PSD3: variants seen among roughly 807,000 people sequenced by gnomAD.
The protein encoded by PSD3 is PH and SEC7 domain-containing protein 3.
Under a neutral mutation model 105.5 loss-of-function variants are expected in PSD3, and 49 were observed. That is an observed-to-expected ratio of 0.46 (90% CI 0.37 to 0.59). PSD3 has a LOEUF of 0.59. Among genes scored for constraint, PSD3 ranks in the 20% least tolerant of loss-of-function variants. The pLI is 0.00. For missense variants in PSD3, 1,561 were observed against 1,263.8 expected (o/e 1.24, Z -3.57); for synonymous variants, 557 against 457.8 (o/e 1.22, Z -2.77).
chr8:18,808,762 C>T (rs984383724), intron 4 of PSD3: 1 of 1,613,928 alleles, frequency 6.2e-7, no homozygotes, highest in Admixed American at 1.7e-5. Context: ...TACCAGCAAC[C>T]ATACAGACAC....
At chr8:18,931,564 T>G (rs1821749943) in intron 2 of PSD3, among the ~76,000 whole-genome samples, 1 of 152,200 alleles carries the variant, frequency 6.6e-6, no homozygotes, top group Non-Finnish European at 1.5e-5. Context: ...TCCAAGCAAC[T>G]AAGCTCTCAC....
At chr8:18,759,795 T>G (rs1295533078) in intron 9 of PSD3, among the ~76,000 whole-genome samples, 1 of 152,056 alleles carries the variant, frequency 6.6e-6, no homozygotes, top group Non-Finnish European at 1.5e-5. Flanking sequence ...AGGATCTTCT[T>G]GTCATTTATT....
At chr8:18,678,278 A>T (rs919071548) in intron 9 of PSD3, among the ~76,000 whole-genome samples, 16 of 152,104 alleles carry the variant, frequency 1.1e-4, no homozygotes, top group Non-Finnish European at 2.1e-4. Context: ...TAAGTTGTTT[A>T]AAAAAAATTC....
chr8:19,053,038 AT>A (rs1196876053), intron 1 of PSD3, among the ~76,000 whole-genome samples: 1 of 152,154 alleles, frequency 6.6e-6, no homozygotes, highest in Admixed American at 6.5e-5. Flanking sequence ...ACACAGGTAA[AT>A]TTAGGGAAAT....
chr8:18,615,733 A>G (rs999153568), intron 11 of PSD3, among the ~76,000 whole-genome samples: 2 of 152,192 alleles, frequency 1.3e-5, no homozygotes, highest in African/African-American at 4.8e-5. Context: ...AGTCTATCTG[A>G]GAAGGGCAGG....
intron 1 of PSD3, among the ~76,000 whole-genome samples, chr8:19,075,211 G>A (rs1198737463): frequency 6.6e-6 from 1 of 152,106 alleles, no homozygotes; most frequent in Non-Finnish European, 1.5e-5. Context: ...GCCTCCCAAA[G>A]TGCTGGGATT....
intron 1 of PSD3, among the ~76,000 whole-genome samples, chr8:18,988,541 T>C (rs917416443): frequency 1.3e-5 from 2 of 152,206 alleles, no homozygotes; most frequent in Non-Finnish European, 2.9e-5. Flanking sequence ...ATTAGTCTAA[T>C]CATCACTTCT....
chr8:18,985,672 C>T (rs1202026097), intron 1 of PSD3, among the ~76,000 whole-genome samples: 1 of 152,070 alleles, frequency 6.6e-6, no homozygotes, highest in Non-Finnish European at 1.5e-5. Flanking sequence ...CTAAAAATAG[C>T]ATTTTCTTCT....
rs760070927 is a variant in PSD3 at position 18,535,845 on chromosome 8, C to G, written c.3042G>C (p.Leu1014=). 6.2e-7 allele frequency: 1 copy of G among 1,614,000 alleles called. No homozygotes were observed. Among genetic ancestry groups the G allele is most frequent in the African/African-American group, 1.3e-5 (1 of 74,914 alleles). ...CAGTGATTGGAGAAGTATCCGGGTTCAGCGAAGGACTCGAGTGCGACTTCT... is the reference window on the plus strand; with the variant it reads ...CAGTGATTGGAGAAGTATCCGGGTTGAGCGAAGGACTCGAGTGCGACTTCT... ...GLKKSHSSPS[L]NPDTSPITAK... The change falls in exon 16 of 16, where the codon CTG becomes CTC. Residue 1014 remains leucine (L), a synonymous_variant. Transcript: ENST00000327040.
intron 9 of PSD3, among the ~76,000 whole-genome samples, chr8:18,655,939 C>T (rs1320018744): frequency 1.3e-5 from 2 of 152,234 alleles, no homozygotes; most frequent in Non-Finnish European, 2.9e-5. Context: ...TACTGTACTA[C>T]ATTTCATTAT....
At position 18,751,032 on chromosome 8, in the gene PSD3, C is replaced by T. The variant is rs1454432751; in HGVS notation, c.2172+14417G>A. On this transcript the variant is annotated intron_variant, in intron 9 of 15. Transcript: ENST00000327040. ...GGTGGAGCTGCCTGCCAGTCCTGCG[C>T]GATGCGCTCACACTCCTCAGCCCTT... Among the ~76,000 whole-genome samples, 9 of 152,250 alleles carry T rather than the reference C, an allele frequency of 5.9e-5. No homozygotes were observed. The East Asian group carries it at 7.8e-4, about 13-fold the overall frequency.
chr8:18,713,267 A>C (rs1802369293), intron 9 of PSD3, among the ~76,000 whole-genome samples: 1 of 152,180 alleles, frequency 6.6e-6, no homozygotes, highest in Admixed American at 6.5e-5. Flanking sequence ...TCAACACAGT[A>C]TTAGACATTC....
intron 2 of PSD3, among the ~76,000 whole-genome samples, chr8:18,901,938 T>C (rs1192231404): frequency 6.6e-6 from 1 of 152,174 alleles, no homozygotes; most frequent in Non-Finnish European, 1.5e-5. Flanking sequence ...TTGACTCTCC[T>C]CTTTTTCTGT....
At chr8:18,734,850 C>A (rs1321551750) in intron 9 of PSD3, among the ~76,000 whole-genome samples, 2 of 152,094 alleles carry the variant, frequency 1.3e-5, no homozygotes, top group African/African-American at 2.4e-5. Context: ...TTTCTCAAGC[C>A]AAAATCAAAA....
intron 1 of PSD3, among the ~76,000 whole-genome samples, chr8:18,994,421 A>T (rs1018624526): frequency 6.6e-6 from 1 of 152,084 alleles, no homozygotes; most frequent in African/African-American, 2.4e-5. Context: ...ACAGCAAATC[A>T]TGTGTTGGTA....
At chr8:18,768,114 T>TAGA (rs1807183031) in intron 8 of PSD3, among the ~76,000 whole-genome samples, 1 of 10,204 alleles carries the variant, frequency 9.8e-5, no homozygotes, top group Non-Finnish European at 3.2e-4. Context: ...CTACTGAAAA[T>TAGA]ACAAAAAAAA....
chr8:18,622,538 T>TA (rs1293026099), intron 11 of PSD3, among the ~76,000 whole-genome samples: 1 of 152,202 alleles, frequency 6.6e-6, no homozygotes, highest in Non-Finnish European at 1.5e-5. Context: ...TCTGTAGTTT[T>TA]ATGGAGCATA....
chr8:18,852,807 CA>C (rs1180898341), intron 4 of PSD3, among the ~76,000 whole-genome samples: 5 of 152,156 alleles, frequency 3.3e-5, no homozygotes, highest in Non-Finnish European at 5.9e-5. Flanking sequence ...TAAGGAAGCA[CA>C]ATTTAAACGT....
chr8:18,567,323 T>C (rs562555404), intron 14 of PSD3, among the ~76,000 whole-genome samples: 8 of 152,250 alleles, frequency 5.3e-5, no homozygotes, highest in African/African-American at 1.9e-4. Flanking sequence ...TATCGTGTAA[T>C]GTGATTTACC....
Sources: gnomAD v4.1 joint callset for allele counts (sites outside exome capture counted in the v4.1 genomes callset) on GRCh38, gnomAD v4.1.1 for gene constraint, MANE v1.5 for transcripts, NCBI Gene and HGNC (gene_info 2026-07-23, HGNC 2026-07-21) for gene names.